The following PAPOLG variants were observed in gnomAD, a reference collection of about 807,000 sequenced individuals.
The protein encoded by PAPOLG is PAP-gamma.
Under a neutral mutation model 99.0 loss-of-function variants are expected in PAPOLG, and 40 were observed. The observed-to-expected ratio is 0.40, with a 90% confidence interval of 0.31 to 0.53. The LOEUF (loss-of-function observed/expected upper bound fraction) is 0.53. Among genes scored for constraint, PAPOLG ranks in the 20% least tolerant of loss-of-function variants. The pLI, the probability that PAPOLG is intolerant of heterozygous loss-of-function variation, is 0.41. For synonymous variants in PAPOLG, 310 were observed against 299.3 expected, an observed-to-expected ratio of 1.04 and a Z score of -0.37; for missense variants, 675 against 884.1, an observed-to-expected ratio of 0.76 and a Z score of 3.00.
chr2:60,787,693 G>T, intron 15 of PAPOLG, 73 bp downstream of exon 15: 3 of 1,546,200 alleles, frequency 1.9e-6, no homozygotes, highest in Non-Finnish European at 2.6e-6. Context: ...CTACAATCTG[G>T]CTGGCTGTAC....
chr2:60,788,098 TGGG>T (rs1671422313), intron 15 of PAPOLG, among the ~76,000 whole-genome samples: 1 of 150,104 alleles, frequency 6.7e-6, no homozygotes, highest in Non-Finnish European at 1.5e-5. Flanking sequence ...ATATATTAAG[TGGG>T]GGGTAAAATT....
chr2:60,761,264 G>C (rs1469395593), intron 2 of PAPOLG, among the ~76,000 whole-genome samples: 2 of 152,134 alleles, frequency 1.3e-5, no homozygotes, highest in African/African-American at 4.8e-5. Flanking sequence ...TACACCATTG[G>C]TTATAAGTTG....
chr2:60,789,017 G>T (rs546868672), intron 15 of PAPOLG, among the ~76,000 whole-genome samples: 1 of 152,232 alleles, frequency 6.6e-6, no homozygotes, highest in South Asian at 2.1e-4. Context: ...ATGAGTTCAT[G>T]TCCTTCGTAG....
chr2:60,774,594 GAC>G (rs1670962396), intron 7 of PAPOLG, among the ~76,000 whole-genome samples: 1 of 152,156 alleles, frequency 6.6e-6, no homozygotes, highest in South Asian at 2.1e-4. Flanking sequence ...TCGAGCGCCT[GAC>G]CTCAGGTGAT....
chr2:60,782,081 A>G (rs1262564741), intron 11 of PAPOLG, 76 bp downstream of exon 11: 3 of 1,437,932 alleles, frequency 2.1e-6, no homozygotes, highest in Non-Finnish European at 1.9e-6. Flanking sequence ...TGTTGCAGCT[A>G]TGGATTGGCA....
Position 60,771,487 on chromosome 2 carries a change from A to ATT in PAPOLG, c.493-26_493-25dup, listed in dbSNP as rs752159910. 2.0e-5 allele frequency: 32 copies of ATT among 1,564,688 alleles called. No homozygotes were observed. In the Middle Eastern group the frequency reaches 9.9e-4, roughly 48 times the overall value. On this transcript the variant is annotated intron_variant, in intron 6 of 21. Transcript: ENST00000238714. ...GGATGGATTAAAAGGAGAAAATGTA[A>ATT]TTTTTTTCTCTTTTTTCACATCTTT...
At chr2:60,794,943 T>C in intron 20 of PAPOLG, 21 bp from the exon 21 acceptor site, 1 of 1,610,742 alleles carries the variant, frequency 6.2e-7, no homozygotes. Context: ...TTTTCACTTG[T>C]GTTGATTCTT....
In PAPOLG at chr2:60,761,736, T is replaced by TA. The variant is rs1558674791; in HGVS notation, c.180-4dup. ...TGTTTTAATCTGAAGCATTTTTTTT[T>TA]ATAGGCTGGTGGTTCTTGGTAAATT... On this transcript the variant is annotated splice_region_variant and splice_polypyrimidine_tract_variant and intron_variant, in intron 2 of 21. Transcript: ENST00000238714. The TA allele has an allele frequency of 3.8e-6, 6 of 1,594,134 alleles. No homozygotes were observed. Among genetic ancestry groups the TA allele is most frequent in the South Asian group, 1.1e-5 (1 of 89,352 alleles).
At chr2:60,757,193 T>C (rs1403615416) in intron 1 of PAPOLG, among the ~76,000 whole-genome samples, 1 of 152,180 alleles carries the variant, frequency 6.6e-6, no homozygotes, top group African/African-American at 2.4e-5. Context: ...CACCCATTTC[T>C]CCCAAAACGT....
Position 60,793,968 on chromosome 2 carries a change from C to T in PAPOLG, c.1769-3C>T, listed in dbSNP as rs1671619917. On this transcript the variant is annotated splice_region_variant and splice_polypyrimidine_tract_variant and intron_variant, in intron 18 of 21. Transcript: ENST00000238714. ...TTATTAAAATCCTTTTTTTCCTTTT[C>T]AGAAGTTGACTCTACAGTAAAAACT... The T allele has an allele frequency of 1.9e-6, 3 of 1,591,396 alleles. No homozygotes were observed. The highest frequency in any genetic ancestry group is 1.4e-5 in the African/African-American group (1 of 73,522).
intron 3 of PAPOLG, 57 bp from the exon 4 acceptor site, chr2:60,768,413 G>T: frequency 6.4e-7 from 1 of 1,571,760 alleles, no homozygotes; most frequent in South Asian, 1.1e-5. Context: ...ACATTGAGGT[G>T]ACTTTTATGC....
At chr2:60,783,705 G>T (rs1371457749) in intron 13 of PAPOLG, among the ~76,000 whole-genome samples, 1 of 149,086 alleles carries the variant, frequency 6.7e-6, no homozygotes, top group Non-Finnish European at 1.5e-5. Flanking sequence ...GTAGAGATGG[G>T]GTTTTACCAT....
chr2:60,772,120 A>G (rs1000334774), intron 7 of PAPOLG, among the ~76,000 whole-genome samples: 4 of 151,574 alleles, frequency 2.6e-5, no homozygotes, highest in African/African-American at 9.7e-5. Flanking sequence ...TCTACAATTG[A>G]TTGTAATATT....
chr2:60,781,765 T>A, intron 10 of PAPOLG, 120 bp from the exon 11 acceptor site: 1 of 1,382,550 alleles, frequency 7.2e-7, no homozygotes, highest in Non-Finnish European at 9.9e-7. Context: ...AATGTACTTC[T>A]TAAACTTGAG....
At chr2:60,773,768 C>G (rs1670928479) in intron 7 of PAPOLG, among the ~76,000 whole-genome samples, 1 of 151,092 alleles carries the variant, frequency 6.6e-6, no homozygotes, top group Non-Finnish European at 1.5e-5. Flanking sequence ...GTGTCAAGCT[C>G]ATAGTAACAG....
intron 1 of PAPOLG, 47 bp from the exon 2 acceptor site, chr2:60,760,087 T>A (rs780604355): frequency 2.6e-6 from 4 of 1,562,428 alleles, no homozygotes; most frequent in Middle Eastern, 3.3e-4. Flanking sequence ...ATCAGTATGG[T>A]ATATACTTTA....
intron 1 of PAPOLG, among the ~76,000 whole-genome samples, chr2:60,758,177 A>G (rs987908306): frequency 6.6e-6 from 1 of 152,212 alleles, no homozygotes; most frequent in African/African-American, 2.4e-5. Context: ...GTATTACACA[A>G]ACAATACCAA....
rs749438692 is a variant in PAPOLG, at chr2:60,798,201, A to G, written c.*1041A>G. On this transcript the variant is annotated 3_prime_UTR_variant, in exon 22 of 22. Transcript: ENST00000238714. The stretch of plus-strand genomic sequence containing the variant: ...TTGAAACCTAAAGGCATTTTGAATG[A>G]CATTGTTACCAACCATTAATTGGCT... 2.6e-5 allele frequency: 4 copies of G among 152,920 alleles called. No individual in the cohort carries two copies. The highest frequency in any genetic ancestry group is 3.4e-3 in the Middle Eastern group (1 of 294). 9.5% of individuals were successfully genotyped at this position (152,920 alleles called of 1,614,324 possible).
intron 10 of PAPOLG, 63 bp downstream of exon 10, chr2:60,780,842 C>T (rs2103798875): frequency 1.5e-6 from 2 of 1,297,612 alleles, no homozygotes; most frequent in Non-Finnish European, 2.2e-6. Flanking sequence ...CACTAAATTA[C>T]AGTCTAGTTA....
Sources: allele counts gnomAD v4.1 joint callset (sites outside exome capture counted in the v4.1 genomes callset), GRCh38; gene constraint gnomAD v4.1.1; transcripts MANE v1.5; gene names NCBI Gene and HGNC (gene_info 2026-07-23, HGNC 2026-07-21).